The following RAP1A variants were observed in gnomAD, a reference collection of about 807,000 sequenced individuals.
The protein encoded by RAP1A is RAP1A, member of RAS oncogene family.
A neutral mutation model predicts 26.4 loss-of-function variants in RAP1A; 6 were observed. That is an observed-to-expected ratio of 0.23 (90% CI 0.12 to 0.45). RAP1A has a LOEUF of 0.45. Ranked by LOEUF, RAP1A falls within the 20% of genes least tolerant of loss-of-function variation. The probability of loss-of-function intolerance (pLI) is 0.99; values close to 1 mark genes in which losing one functional copy is unlikely to be tolerated. For synonymous variants in RAP1A, 73 were observed against 79.4 expected (o/e 0.92, Z 0.43); for missense variants, 121 against 217.2 (o/e 0.56, Z 2.78).
At chr1:111,685,767 T>C (rs1351172047) in intron 1 of RAP1A, among the ~76,000 whole-genome samples, 1 of 152,206 alleles carries the variant, frequency 6.6e-6, no homozygotes, top group Non-Finnish European at 1.5e-5. Flanking sequence ...AGCAATCCCA[T>C]TACTGGGTAT....
chr1:111,647,522 C>T (rs566258584), intron 1 of RAP1A, among the ~76,000 whole-genome samples: 20 of 152,234 alleles, frequency 1.3e-4, no homozygotes, highest in Admixed American at 6.5e-4. Context: ...GGTTGGGGAT[C>T]GCTGCCTTAA....
intron 1 of RAP1A, among the ~76,000 whole-genome samples, chr1:111,576,515 A>G (rs949768423): frequency 1.3e-5 from 2 of 152,226 alleles, no homozygotes; most frequent in African/African-American, 4.8e-5. Context: ...TAAAGAAAAC[A>G]TTCTCTGTAG....
At chr1:111,668,485 A>G (rs1380014833) in intron 1 of RAP1A, among the ~76,000 whole-genome samples, 2 of 152,210 alleles carry the variant, frequency 1.3e-5, no homozygotes, top group African/African-American at 4.8e-5. Context: ...TTACATGTTA[A>G]TTAATCCTCA....
intron 1 of RAP1A, among the ~76,000 whole-genome samples, chr1:111,606,768 G>GC (rs1406862275): frequency 6.6e-6 from 1 of 152,204 alleles, no homozygotes; most frequent in African/African-American, 2.4e-5. Context: ...TTTACAGGCT[G>GC]CCGATAGTTT....
chr1:111,662,290 G>A (rs140847416), intron 1 of RAP1A, among the ~76,000 whole-genome samples: 1,769 of 151,878 alleles, frequency 0.012, 31 homozygotes, highest in African/African-American at 0.038. Flanking sequence ...AGCTACTCGG[G>A]AGGCTGAGGC....
chr1:111,691,765 C>T (rs1324744213), intron 2 of RAP1A, among the ~76,000 whole-genome samples: 1 of 152,164 alleles, frequency 6.6e-6, no homozygotes, highest in Non-Finnish European at 1.5e-5. Context: ...TCACCTGCTT[C>T]CACCCTAGAC....
At chr1:111,573,858 C>A (rs1254790149) in intron 1 of RAP1A, among the ~76,000 whole-genome samples, 2 of 151,724 alleles carry the variant, frequency 1.3e-5, no homozygotes, top group Non-Finnish European at 2.9e-5. Flanking sequence ...GGAAATAAGA[C>A]CTTTGTCAGA....
At position 111,640,822 on chromosome 1, in the gene RAP1A, G is replaced by A. The variant is rs555319051; in HGVS notation, c.-28+20888G>A. On this transcript the variant is annotated intron_variant, in intron 1 of 7. Coordinates refer to ENST00000369709, the MANE Select transcript of RAP1A (RefSeq NM_002884.4). Reference sequence around the variant, plus strand: ...AAAAATTAAAACAAAAAATTAGCAGGGTGTGGTGGTGCATACCTATAATCC... The same window carrying A: ...AAAAATTAAAACAAAAAATTAGCAGAGTGTGGTGGTGCATACCTATAATCC... Among the ~76,000 whole-genome samples, 23 of 152,208 alleles carry A rather than the reference G, an allele frequency of 1.5e-4. No homozygotes were observed. In the South Asian group the frequency reaches 4.6e-3, roughly 30 times the overall value.
chr1:111,614,243 G>A (rs1195335571), intron 1 of RAP1A, among the ~76,000 whole-genome samples: 1 of 152,122 alleles, frequency 6.6e-6, no homozygotes, highest in East Asian at 1.9e-4. Flanking sequence ...GTCATCATTG[G>A]TAGCATTAGA....
chr1:111,702,434 C>T (rs541463528), intron 4 of RAP1A, among the ~76,000 whole-genome samples: 5 of 152,046 alleles, frequency 3.3e-5, no homozygotes, highest in Admixed American at 6.5e-5. Context: ...TTTAATTTGG[C>T]ATGACTAAAG....
chr1:111,577,253 T>G (rs1658164491), intron 1 of RAP1A, among the ~76,000 whole-genome samples: 1 of 151,714 alleles, frequency 6.6e-6, no homozygotes, highest in Non-Finnish European at 1.5e-5. Flanking sequence ...AAATACAAAA[T>G]TAGCTGGGTG....
chr1:111,701,504 A>G (rs1348600737), intron 4 of RAP1A, among the ~76,000 whole-genome samples: 2 of 152,158 alleles, frequency 1.3e-5, no homozygotes, highest in Admixed American at 1.3e-4. Context: ...GTCTGTCTCC[A>G]TGTATACTCC....
chr1:111,699,287 A>G (rs146703664), intron 4 of RAP1A, among the ~76,000 whole-genome samples: 1 of 152,276 alleles, frequency 6.6e-6, no homozygotes, highest in East Asian at 1.9e-4. Flanking sequence ...TAAATGATTT[A>G]CTACCCTGGC....
Position 111,581,894 on chromosome 1 carries a change from A to T in RAP1A, c.-28+39385A>T, listed in dbSNP as rs971185080. On this transcript the variant is annotated intron_variant, in intron 1 of 7. Coordinates refer to the RAP1A transcript ENST00000356415. The stretch of plus-strand genomic sequence containing the variant: ...ATGCTTTTATACAAGCACTTTATTT[A>T]GTTGTGTGATTTAATATACACCACA... Among the ~76,000 whole-genome samples, 3 of 152,220 alleles carry T rather than the reference A, an allele frequency of 2.0e-5. No homozygotes were observed. In the South Asian group the frequency reaches 6.2e-4, roughly 31 times the overall value.
intron 1 of RAP1A, among the ~76,000 whole-genome samples, chr1:111,552,713 T>C (rs895145119): frequency 2.6e-5 from 4 of 152,218 alleles, no homozygotes; most frequent in Admixed American, 1.3e-4. Flanking sequence ...GAATCATATG[T>C]TGGTGTTTGA....
At chr1:111,607,614 C>T (rs1225099333) in intron 1 of RAP1A, among the ~76,000 whole-genome samples, 4 of 149,626 alleles carry the variant, frequency 2.7e-5, no homozygotes, top group African/African-American at 7.3e-5. Context: ...CCTCACCTCC[C>T]GGACAGGGTG....
intron 1 of RAP1A, among the ~76,000 whole-genome samples, chr1:111,573,773 G>A (rs1658095082): frequency 6.6e-6 from 1 of 152,084 alleles, no homozygotes; most frequent in African/African-American, 2.4e-5. Flanking sequence ...TTTGAAAAGT[G>A]TCTTTTCATG....
At chr1:111,574,720 C>T (rs1658111939) in intron 1 of RAP1A, among the ~76,000 whole-genome samples, 1 of 152,212 alleles carries the variant, frequency 6.6e-6, no homozygotes, top group South Asian at 2.1e-4. Context: ...AAGTCCCAGA[C>T]AAACTAAGAT....
At chr1:111,551,855 C>T (rs1165681891) in intron 1 of RAP1A, among the ~76,000 whole-genome samples, 1 of 152,038 alleles carries the variant, frequency 6.6e-6, no homozygotes, top group Admixed American at 6.6e-5. Flanking sequence ...ACAGTTCGGC[C>T]TTGGCCTTCA....
Sources: gnomAD v4.1 joint callset for allele counts (sites outside exome capture counted in the v4.1 genomes callset) on GRCh38, gnomAD v4.1.1 for gene constraint, MANE v1.5 for transcripts, NCBI Gene and HGNC (gene_info 2026-07-23, HGNC 2026-07-21) for gene names.